Variants in FOXP1 observed in about 807,000 individuals in gnomAD.
The protein encoded by FOXP1 is forkhead box P1.
FOXP1 carries 15 observed loss-of-function variants against 98.2 expected under a neutral mutation model. The observed-to-expected ratio is 0.15, with a 90% CI of 0.10 to 0.24. The LOEUF is 0.24. Ranked by LOEUF, FOXP1 falls within the 10% of genes least tolerant of loss-of-function variation. FOXP1 has a pLI of 1.00. For synonymous variants in FOXP1, 371 were observed against 314.5 expected, an observed-to-expected ratio of 1.18 and a Z score of -1.90; for missense variants, 633 against 848.5, an observed-to-expected ratio of 0.75 and a Z score of 3.15.
At chr3:71,052,147 A>G (rs2049981075) in intron 9 of FOXP1, among the ~76,000 whole-genome samples, 2 of 151,788 alleles carry the variant, frequency 1.3e-5, no homozygotes, top group South Asian at 4.2e-4. Context: ...CCATCACCAC[A>G]CACCCAAGCT....
At chr3:71,235,159 T>C (rs920310711) in intron 5 of FOXP1, among the ~76,000 whole-genome samples, 1 of 152,176 alleles carries the variant, frequency 6.6e-6, no homozygotes, top group Admixed American at 6.5e-5. Context: ...AAAGCGACTG[T>C]AGATCTAAGT....
At chr3:71,004,780 T>A (rs935122652) in intron 12 of FOXP1, among the ~76,000 whole-genome samples, 7 of 152,184 alleles carry the variant, frequency 4.6e-5, no homozygotes, top group African/African-American at 1.7e-4. Flanking sequence ...TTAGAGATGT[T>A]AAGCCGGTCA....
Position 71,000,299 on chromosome 3 carries a change from TTTTA to T in FOXP1, c.1062+669_1062+672del, listed in dbSNP as rs979671615. The stretch of plus-strand genomic sequence containing the variant: ...GCCCAATGGGTTTCTAAATACTAGA[TTTTA>T]TATATATATATATATATACACTCTA... On this transcript the variant is annotated intron_variant, in intron 13 of 20. Coordinates refer to ENST00000649528, the MANE Select transcript of FOXP1 (RefSeq NM_001349338.3). Among the ~76,000 whole-genome samples the T allele has an allele frequency of 1.2e-3, 21 of 17,758 alleles. No homozygotes were observed. The East Asian group carries it at 0.023, about 19-fold the overall frequency. The allele number at this position is 17,758 out of a possible 152,430, so 11.6% of individuals were successfully genotyped here.
intron 3 of FOXP1, among the ~76,000 whole-genome samples, chr3:71,459,632 C>T (rs1286136145): frequency 6.6e-6 from 1 of 152,114 alleles, no homozygotes; most frequent in Non-Finnish European, 1.5e-5. Context: ...TTTAAAATCC[C>T]TTCATCACAA....
intron 5 of FOXP1, among the ~76,000 whole-genome samples, chr3:71,244,651 T>C (rs2067573511): frequency 6.6e-6 from 1 of 151,864 alleles, no homozygotes. Context: ...ACCACACCAG[T>C]GAGTACACAC....
intron 5 of FOXP1, chr3:71,296,078 C>A (rs1332379769): frequency 1.3e-5 from 2 of 152,200 alleles, no homozygotes; most frequent in Admixed American, 6.5e-5. Context: ...ATTTATGACT[C>A]TTCAGACCAT....
intron 3 of FOXP1, among the ~76,000 whole-genome samples, chr3:71,366,112 C>A (rs2078913602): frequency 6.6e-6 from 1 of 152,130 alleles, no homozygotes; most frequent in African/African-American, 2.4e-5. Flanking sequence ...CAAGGATGTA[C>A]AATTATTGTA....
chr3:71,243,125 G>C (rs186406091), intron 5 of FOXP1, among the ~76,000 whole-genome samples: 1 of 152,180 alleles, frequency 6.6e-6, no homozygotes, highest in Admixed American at 6.5e-5. Context: ...TGGCCCCAAA[G>C]TAAAAATAAA....
At chr3:71,149,580 C>T (rs573407400) in intron 6 of FOXP1, among the ~76,000 whole-genome samples, 4 of 152,218 alleles carry the variant, frequency 2.6e-5, no homozygotes, top group South Asian at 2.1e-4. Context: ...TTTAAAACTA[C>T]ATTTATGCCT....
chr3:71,358,002 A>G (rs1420819974), intron 4 of FOXP1, among the ~76,000 whole-genome samples: 1 of 152,088 alleles, frequency 6.6e-6, no homozygotes, highest in Non-Finnish European at 1.5e-5. Context: ...TTAACCCTCT[A>G]TTCCCAAAGC....
chr3:71,130,035 G>A (rs919884050), intron 6 of FOXP1, among the ~76,000 whole-genome samples: 4 of 152,228 alleles, frequency 2.6e-5, no homozygotes, highest in African/African-American at 4.8e-5. Flanking sequence ...TACCAAGACC[G>A]ATTCACAAAT....
intron 10 of FOXP1, among the ~76,000 whole-genome samples, chr3:71,046,044 G>A (rs1361136838): frequency 6.6e-6 from 1 of 152,082 alleles, no homozygotes; most frequent in Non-Finnish European, 1.5e-5. Context: ...ACACAGGCAT[G>A]GCACTTTCTA....
chr3:71,402,213 G>A lies in FOXP1; in HGVS notation c.-167-42969C>T, dbSNP rs528503486. 7.9e-5 allele frequency among the ~76,000 whole-genome samples: 12 copies of A among 152,328 alleles called. No homozygotes were observed. In the South Asian group the frequency reaches 2.5e-3, roughly 32 times the overall value. ...CTCACACCCACAAACCCAGCACTTTGGGAGGCTGAGGCAGGTGGATCACTT... is the reference window on the plus strand; with the variant it reads ...CTCACACCCACAAACCCAGCACTTTAGGAGGCTGAGGCAGGTGGATCACTT... On this transcript the variant is annotated intron_variant, in intron 3 of 20. Transcript: ENST00000649528.
intron 13 of FOXP1, among the ~76,000 whole-genome samples, chr3:70,992,093 T>A (rs1255783680): frequency 6.6e-6 from 1 of 152,146 alleles, no homozygotes; most frequent in African/African-American, 2.4e-5. Context: ...ACAATGATGA[T>A]CTCCAAGTGA....
chr3:71,051,316 C>A (rs1265510238), intron 9 of FOXP1, among the ~76,000 whole-genome samples: 1 of 152,196 alleles, frequency 6.6e-6, no homozygotes, highest in Non-Finnish European at 1.5e-5. Context: ...CTCCCCTTCA[C>A]CCCAAAACTG....
At chr3:71,150,368 G>A (rs1232878522) in intron 6 of FOXP1, among the ~76,000 whole-genome samples, 1 of 152,104 alleles carries the variant, frequency 6.6e-6, no homozygotes, top group Non-Finnish European at 1.5e-5. Flanking sequence ...TATGCATTTA[G>A]AAAGGCAGTT....
intron 5 of FOXP1, chr3:71,296,187 T>C (rs764092067): frequency 2.6e-5 from 4 of 152,244 alleles, no homozygotes; most frequent in Non-Finnish European, 5.9e-5. Context: ...TTTGTAGGCA[T>C]ATTTCTGTGC....
chr3:71,490,498 T>TA (rs1349575572), intron 3 of FOXP1, among the ~76,000 whole-genome samples: 2,873 of 143,840 alleles, frequency 0.02, 83 homozygotes, highest in African/African-American at 0.066. Context: ...AACTCTGTCT[T>TA]AAAAAAAAAA....
rs79848482 is a variant in FOXP1, at chr3:71,240,550, A to AT, written c.-11-42159dup. On this transcript the variant is annotated intron_variant, in intron 5 of 20. Coordinates refer to ENST00000649528, the MANE Select transcript of FOXP1 (RefSeq NM_001349338.3). ...TCATATCTCAGAATTGTGTTTTTTT[A>AT]TTTTTTTTTTTAGACGGAGTCTCGC... 6.6e-5 allele frequency among the ~76,000 whole-genome samples: 10 copies of AT among 151,152 alleles called. 1 individual carries two copies. Among genetic ancestry groups the AT allele is most frequent in the South Asian group, 6.3e-4 (3 of 4,798 alleles).
Sources: allele counts gnomAD v4.1 joint callset (sites outside exome capture counted in the v4.1 genomes callset), GRCh38; gene constraint gnomAD v4.1.1; transcripts MANE v1.5; gene names NCBI Gene and HGNC (gene_info 2026-07-23, HGNC 2026-07-21).